Variants in VWDE observed in about 807,000 individuals in gnomAD.
VWDE encodes von Willebrand factor D and EGF domain-containing protein.
In VWDE, 207 loss-of-function variants were observed where a neutral mutation model predicts 178.4. The observed-to-expected ratio is 1.16, with a 90% CI of 1.04 to 1.30. The LOEUF (loss-of-function observed/expected upper bound fraction) is 1.30, where lower values mean the gene tolerates loss of function less well. Among genes scored for constraint, VWDE ranks in the 50% most tolerant of loss-of-function variants. VWDE has a pLI of 0.00. For synonymous variants in VWDE, 738 were observed against 651.4 expected (o/e 1.13, Z -2.02); for missense variants, 2,287 against 1,901.3 (o/e 1.20, Z -3.77).
At position 12,344,469 on chromosome 7, in the gene VWDE, G is replaced by C; in HGVS notation, c.3887C>G (p.Thr1296Ser). 4 of 1,542,376 alleles carry C rather than the reference G, an allele frequency of 2.6e-6. No individual in the cohort carries two copies. Among genetic ancestry groups the C allele is most frequent in the Non-Finnish European group, 3.5e-6 (4 of 1,143,332 alleles). The change falls in exon 20 of 29, where the codon ACC becomes AGC. Residue 1296 changes from threonine to serine, a missense_variant and splice_region_variant. Physicochemically the swap from Thr to Ser is moderately conservative, Grantham distance 58 (BLOSUM62 1). Transcript: ENST00000275358. ...HVKPTSGNAF[T>S]ICKYPCGKSR... ...TTTTCCACATGGATATTTACAAATGGCTAAAAAAAAATCAAAGAAAAAAAG... is the reference window on the plus strand; with the variant it reads ...TTTTCCACATGGATATTTACAAATGCCTAAAAAAAAATCAAAGAAAAAAAG...
intron 1 of VWDE, among the ~76,000 whole-genome samples, 197 bp downstream of exon 1, chr7:12,403,462 T>A (rs1415349220): frequency 2.6e-5 from 4 of 152,122 alleles, no homozygotes; most frequent in Non-Finnish European, 5.9e-5. Context: ...AAGAAAAGTG[T>A]AGAGTTTTCA....
In VWDE at chr7:12,374,689, C is replaced by T. The variant is rs182091741; in HGVS notation, c.1316G>A (p.Arg439Lys). The T allele has an allele frequency of 5.9e-6, 9 of 1,525,822 alleles. No individual in the cohort carries two copies. In the Admixed American group the frequency reaches 1.9e-4, roughly 33 times the overall value. The allele number at this position is 1,525,822 out of a possible 1,614,324, so 94.5% of individuals were successfully genotyped here. Reference protein sequence around the residue: ...TDPHIITFDGRVYDNFKTGTF... With the variant: ...TDPHIITFDGKVYDNFKTGTF... ...AAAGAAGAAACTTTCAGAAAATTAC[C>T]TGCCATCAAATGTAATTATATGTGG... The change falls in exon 9 of 29, where the codon AGG (arginine) becomes AAG (lysine). Residue 439 changes from arginine to lysine, a missense_variant and splice_region_variant. Physicochemically the swap from Arg to Lys is conservative, Grantham distance 26 (BLOSUM62 2). Transcript: ENST00000275358.
At chr7:12,394,466 T>C (rs1282246158) in intron 1 of VWDE, among the ~76,000 whole-genome samples, 4 of 152,150 alleles carry the variant, frequency 2.6e-5, no homozygotes, top group African/African-American at 9.7e-5. Flanking sequence ...AGGAAACCTT[T>C]TATCTGAGTA....
At chr7:12,358,429 C>G (rs1229618768) in intron 16 of VWDE, among the ~76,000 whole-genome samples, 1 of 151,592 alleles carries the variant, frequency 6.6e-6, no homozygotes, top group African/African-American at 2.4e-5. Context: ...TCCCTTTACA[C>G]TCATGAAACA....
chr7:12,388,128 T>A (rs1360362438), intron 3 of VWDE, among the ~76,000 whole-genome samples: 1 of 152,160 alleles, frequency 6.6e-6, no homozygotes, highest in East Asian at 1.9e-4. Flanking sequence ...TCTTTCCTGG[T>A]TTTTCATAAT....
At chr7:12,393,325 G>T (rs1385797739) in intron 2 of VWDE, among the ~76,000 whole-genome samples, 3 of 152,122 alleles carry the variant, frequency 2.0e-5, no homozygotes, top group Non-Finnish European at 4.4e-5. Context: ...TGCACTGTTT[G>T]ATGGAAATGA....
At chr7:12,394,766 A>G (rs945279715) in intron 1 of VWDE, among the ~76,000 whole-genome samples, 1 of 152,192 alleles carries the variant, frequency 6.6e-6, no homozygotes, top group African/African-American at 2.4e-5. Flanking sequence ...GCATCTATGA[A>G]ATAGAAAGGT....
rs1450803184 is a variant in VWDE at position 12,375,129 on chromosome 7, C to A, written c.1123G>T (p.Val375Leu). Residue 375 changes from valine to leucine, a missense_variant, in exon 8 of 29, where the codon GTG becomes TTG. By Grantham distance (32) the Val-to-Leu change is conservative (BLOSUM62 1). Coordinates refer to ENST00000275358, the MANE Select transcript of VWDE (RefSeq NM_001135924.3). ...AAATCTGTGACAGCAGTGTAGTACACAAAAGTGTGGCTACAGGTTCCATTA... is the reference window on the plus strand; with the variant it reads ...AAATCTGTGACAGCAGTGTAGTACAAAAAAGTGTGGCTACAGGTTCCATTA... Reference protein sequence around the residue: ...CANGTCSHTFVYYTAVTDFSR... With the variant: ...CANGTCSHTFLYYTAVTDFSR... 6.4e-7 allele frequency: 1 copy of A among 1,551,180 alleles called. No individual in the cohort carries two copies. The highest frequency in any genetic ancestry group is 8.7e-7 in the Non-Finnish European group (1 of 1,146,648).
chr7:12,356,459 T>C (rs561195077), intron 17 of VWDE, 129 bp from the exon 18 acceptor site: 64 of 631,488 alleles, frequency 1.0e-4, no homozygotes, highest in Non-Finnish European at 1.3e-4. Context: ...TTGATATATA[T>C]ACACACACAC....
chr7:12,398,832 A>C (rs1355378568), intron 1 of VWDE, among the ~76,000 whole-genome samples: 1 of 152,182 alleles, frequency 6.6e-6, no homozygotes, highest in Non-Finnish European at 1.5e-5. Flanking sequence ...TATAAGGGCA[A>C]GCTAAACATT....
intron 28 of VWDE, among the ~76,000 whole-genome samples, 179 bp downstream of exon 28, chr7:12,333,286 T>C (rs796225349): frequency 6.6e-5 from 10 of 152,254 alleles, no homozygotes; most frequent in African/African-American, 2.4e-4. Flanking sequence ...CACATCAAAA[T>C]TTTATATAAT....
chr7:12,390,799 T>A (rs1437340091), intron 2 of VWDE, among the ~76,000 whole-genome samples: 1 of 151,948 alleles, frequency 6.6e-6, no homozygotes, highest in Non-Finnish European at 1.5e-5. Context: ...GCTATTGGAA[T>A]TAAAAATTAT....
chr7:12,337,892 T>C (rs1436106277), intron 24 of VWDE, among the ~76,000 whole-genome samples: 1 of 152,154 alleles, frequency 6.6e-6, no homozygotes, highest in Non-Finnish European at 1.5e-5. Context: ...CGTTAATATG[T>C]ATTAATTTTA....
At position 12,375,130 on chromosome 7, in the gene VWDE, A is replaced by C; in HGVS notation, c.1122T>G (p.Phe374Leu). 6.4e-7 allele frequency: 1 copy of C among 1,551,276 alleles called. No individual in the cohort carries two copies. The highest frequency in any genetic ancestry group is 1.2e-5 in the South Asian group (1 of 84,058). ...AATCTGTGACAGCAGTGTAGTACAC[A>C]AAAGTGTGGCTACAGGTTCCATTAG... ...SCANGTCSHT[F>L]VYYTAVTDFS... Residue 374 changes from phenylalanine (F) to leucine (L), a missense_variant, in exon 8 of 29, where the codon TTT becomes TTG. Transcript: ENST00000275358.
chr7:12,339,505 G>A (rs533028716), intron 24 of VWDE, among the ~76,000 whole-genome samples: 4 of 152,170 alleles, frequency 2.6e-5, no homozygotes, highest in Admixed American at 1.3e-4. Flanking sequence ...CGCTATGCCC[G>A]TATATCCTGT....
intron 3 of VWDE, among the ~76,000 whole-genome samples, chr7:12,388,077 T>C (rs1784193855): frequency 1.3e-5 from 2 of 152,156 alleles, no homozygotes; most frequent in African/African-American, 4.8e-5. Flanking sequence ...GGATATCCCA[T>C]TGCATTATTC....
chr7:12,331,173 T>G lies in VWDE; in HGVS notation c.*10A>C. 1 of 1,541,152 alleles carries G rather than the reference T, an allele frequency of 6.5e-7. No homozygotes were observed. Among genetic ancestry groups the G allele is most frequent in the South Asian group, 1.2e-5 (1 of 82,936 alleles). ...AGATACAGGCTTGTAATTCATATAC[T>G]TGATGCTACTCAATGGCGTCTTATC... On this transcript the variant is annotated 3_prime_UTR_variant, in exon 29 of 29. Transcript: ENST00000275358.
intron 18 of VWDE, chr7:12,353,753 TC>T (rs1404997818): frequency 6.6e-6 from 1 of 152,346 alleles, no homozygotes; most frequent in Non-Finnish European, 1.5e-5. Context: ...ATTGTCTTTC[TC>T]TCCCACTTCA....
intron 13 of VWDE, among the ~76,000 whole-genome samples, chr7:12,362,475 T>C (rs1782641405): frequency 3.9e-5 from 6 of 152,104 alleles, no homozygotes; most frequent in Admixed American, 6.6e-5. Flanking sequence ...ACTTTTAGTA[T>C]TGTTTTTCAG....
Sources: allele counts gnomAD v4.1 joint callset (sites outside exome capture counted in the v4.1 genomes callset), GRCh38; gene constraint gnomAD v4.1.1; transcripts MANE v1.5; gene names NCBI Gene and HGNC (gene_info 2026-07-23, HGNC 2026-07-21).